Variants in NAALADL2 observed in about 807,000 individuals in gnomAD.
The protein encoded by NAALADL2 is N-acetylated alpha-linked acidic dipeptidase like 2, also known as inactive N-acetylated-alpha-linked acidic dipeptidase-like protein 2.
NAALADL2 carries 76 observed loss-of-function variants against 87.2 expected under a neutral mutation model. The ratio of observed to expected loss-of-function variants is 0.87; its 90% CI spans 0.72 to 1.05. NAALADL2 has a LOEUF of 1.05. NAALADL2 is among the 50% of genes least tolerant of loss of function. The probability of loss-of-function intolerance (pLI) is 0.00; values close to 1 mark genes in which losing one functional copy is unlikely to be tolerated. For missense variants in NAALADL2, 1,089 were observed against 945.8 expected, an observed-to-expected ratio of 1.15 and a Z score of -1.99; for synonymous variants, 354 against 331.0, an observed-to-expected ratio of 1.07 and a Z score of -0.75.
At chr3:175,130,631 C>G (rs1046856526) in intron 2 of NAALADL2, among the ~76,000 whole-genome samples, 2 of 152,122 alleles carry the variant, frequency 1.3e-5, no homozygotes, top group African/African-American at 4.8e-5. Context: ...TCTTGGCACC[C>G]TTATCAAATT....
intron 2 of NAALADL2, among the ~76,000 whole-genome samples, chr3:174,669,816 G>C (rs1726352740): frequency 6.6e-6 from 1 of 151,976 alleles, no homozygotes; most frequent in South Asian, 2.1e-4. Context: ...TGAATCTGTA[G>C]GTAGCTTTCG....
chr3:175,719,879 A>G (rs1338496666), intron 11 of NAALADL2, among the ~76,000 whole-genome samples: 1 of 152,200 alleles, frequency 6.6e-6, no homozygotes, highest in Non-Finnish European at 1.5e-5. Context: ...GATTCACAGA[A>G]GGTGCCTTTG....
At chr3:175,783,174 G>A (rs948807197) in intron 13 of NAALADL2, among the ~76,000 whole-genome samples, 2 of 152,198 alleles carry the variant, frequency 1.3e-5, no homozygotes, top group African/African-American at 4.8e-5. Flanking sequence ...ACTTAGGACT[G>A]ACTTGGTGAT....
At chr3:174,955,169 C>T (rs1417817843) in intron 1 of NAALADL2, among the ~76,000 whole-genome samples, 6 of 152,054 alleles carry the variant, frequency 3.9e-5, no homozygotes, top group Non-Finnish European at 5.9e-5. Context: ...GTTACGGCAT[C>T]GTCTTCTACT....
intron 5 of NAALADL2, among the ~76,000 whole-genome samples, chr3:175,419,548 G>A (rs1360558826): frequency 6.6e-6 from 1 of 151,844 alleles, no homozygotes. Context: ...ATATTATTTA[G>A]CAAATATACT....
chr3:175,649,017 A>G (rs1021993824), intron 11 of NAALADL2, among the ~76,000 whole-genome samples: 8 of 152,182 alleles, frequency 5.3e-5, no homozygotes, highest in African/African-American at 1.9e-4. Flanking sequence ...TACAGAGATA[A>G]TTCTTTTGGC....
rs137877260 is a variant in NAALADL2, at chr3:174,654,060, TTGTGTGTGTGTG to T, written c.-114-83551_-114-83540del. Among the ~76,000 whole-genome samples, 802 of 144,066 alleles carry T rather than the reference TTGTGTGTGTGTG, an allele frequency of 5.6e-3. 3 individuals are homozygous for T. Among genetic ancestry groups the T allele is most frequent in the Non-Finnish European group, 7.3e-3 (477 of 65,222 alleles). The allele number at this position is 144,066 out of a possible 152,430, so 94.5% of individuals were successfully genotyped here. On this transcript the variant is annotated intron_variant, in intron 2 of 3. Coordinates refer to the NAALADL2 transcript ENST00000434257. ...CATAATATTTAGTAATAAGATGGCTTTGTGTGTGTGTGTGTGTGTGTGTGTGTGTGTGTGTGT... is the reference window on the plus strand; with the variant it reads ...CATAATATTTAGTAATAAGATGGCTTTGTGTGTGTGTGTGTGTGTGTGTGT...
At chr3:175,396,585 C>T (rs1488150815) in intron 5 of NAALADL2, among the ~76,000 whole-genome samples, 1 of 151,960 alleles carries the variant, frequency 6.6e-6, no homozygotes, top group East Asian at 1.9e-4. Flanking sequence ...TCATCATGCA[C>T]TAGAGACGCC....
intron 1 of NAALADL2, among the ~76,000 whole-genome samples, chr3:175,048,335 A>G (rs1019348709): frequency 6.6e-6 from 1 of 151,900 alleles, no homozygotes; most frequent in Non-Finnish European, 1.5e-5. Context: ...GAAAGCAAAA[A>G]TTGTTCTTTT....
chr3:175,487,795 C>T, intron 9 of NAALADL2: 1 of 280,800 alleles, frequency 3.6e-6, no homozygotes, highest in Non-Finnish European at 7.1e-6. Context: ...GTGTATGTAG[C>T]AGAAAATGTG....
intron 1 of NAALADL2, among the ~76,000 whole-genome samples, chr3:174,486,584 G>T (rs1717874540): frequency 6.6e-6 from 1 of 151,940 alleles, no homozygotes; most frequent in Non-Finnish European, 1.5e-5. Context: ...GCTTTTGGGG[G>T]CAGAATTTTG....
intron 6 of NAALADL2, among the ~76,000 whole-genome samples, chr3:175,453,095 A>T (rs994603461): frequency 3.3e-5 from 5 of 152,174 alleles, no homozygotes; most frequent in African/African-American, 9.6e-5. Context: ...AAATTACTTT[A>T]AAAAGTGTTT....
intron 10 of NAALADL2, among the ~76,000 whole-genome samples, chr3:175,610,263 A>C (rs182600085): frequency 6.6e-6 from 1 of 152,162 alleles, no homozygotes; most frequent in Non-Finnish European, 1.5e-5. Context: ...GCAAACAACA[A>C]TCTGATAGCT....
intron 9 of NAALADL2, among the ~76,000 whole-genome samples, chr3:175,523,875 G>A (rs192584094): frequency 3.0e-3 from 456 of 152,254 alleles, no homozygotes; most frequent in Non-Finnish European, 5.2e-3. Context: ...AAAAGTAGAA[G>A]ACAAAGAATT....
At chr3:174,925,053 G>A (rs1735792686) in intron 1 of NAALADL2, among the ~76,000 whole-genome samples, 1 of 152,114 alleles carries the variant, frequency 6.6e-6, no homozygotes, top group African/African-American at 2.4e-5. Context: ...TTCTTTTGCT[G>A]TGTGTAAGCT....
At chr3:175,528,107 GAATTA>G (rs1256883997) in intron 9 of NAALADL2, among the ~76,000 whole-genome samples, 1 of 152,050 alleles carries the variant, frequency 6.6e-6, no homozygotes, top group Non-Finnish European at 1.5e-5. Flanking sequence ...AGAAAATTCT[GAATTA>G]AATTATTTGG....
Position 175,470,525 on chromosome 3 carries a change from C to T in NAALADL2, c.1534-1114C>T, listed in dbSNP as rs951971835. On this transcript the variant is annotated intron_variant, in intron 8 of 13. Transcript: ENST00000454872. ...AAAAAATAAAAATAAAATAGGATGA[C>T]ATTATCTATTTGGCAGGTGTATGAG... Among the ~76,000 whole-genome samples, 108 of 152,056 alleles carry T rather than the reference C, an allele frequency of 7.1e-4. 1 individual carries two copies. Among genetic ancestry groups the T allele is most frequent in the African/African-American group, 2.6e-3 (106 of 41,398 alleles).
chr3:174,832,216 G>T (rs1722800954), intron 3 of NAALADL2, among the ~76,000 whole-genome samples: 1 of 151,884 alleles, frequency 6.6e-6, no homozygotes, highest in East Asian at 1.9e-4. Flanking sequence ...GTCAATTTTG[G>T]ATCTTTCCTG....
rs545739322 is a variant in NAALADL2, at chr3:174,859,691, T to C, written c.43+241T>C. ...ACTCAGGCAACACAGAATCACAAAT[T>C]TGGGGGACCCGTGGAGGGTATGGAA... On this transcript the variant is annotated intron_variant, in intron 1 of 13. Transcript: ENST00000454872. Among the ~76,000 whole-genome samples, 25 of 152,210 alleles carry C rather than the reference T, an allele frequency of 1.6e-4. No individual in the cohort carries two copies. In the Middle Eastern group the frequency reaches 0.01, roughly 62 times the overall value.
Sources: gnomAD v4.1 joint callset for allele counts (sites outside exome capture counted in the v4.1 genomes callset) on GRCh38, gnomAD v4.1.1 for gene constraint, MANE v1.5 for transcripts, NCBI Gene and HGNC (gene_info 2026-07-23, HGNC 2026-07-21) for gene names.